Variants in FAM171B observed in about 807,000 individuals in gnomAD.
FAM171B encodes protein FAM171B.
In FAM171B, 19 loss-of-function variants were observed where a neutral mutation model predicts 75.6. The observed-to-expected ratio is 0.25, with a 90% CI of 0.18 to 0.37. The LOEUF is 0.37. Among genes scored for constraint, FAM171B ranks in the 10% least tolerant of loss-of-function variants. FAM171B has a pLI of 1.00. For missense variants in FAM171B, 848 were observed against 982.4 expected (o/e 0.86, Z 1.83); for synonymous variants, 367 against 361.7 (o/e 1.01, Z -0.17).
intron 1 of FAM171B, among the ~76,000 whole-genome samples, chr2:186,724,931 T>TAA (rs1690008499): frequency 6.6e-6 from 1 of 152,248 alleles, no homozygotes; most frequent in African/African-American, 2.4e-5. Flanking sequence ...TGCTAAATTC[T>TAA]CGTCTTTCCT....
chr2:186,716,805 T>C (rs899828196), intron 1 of FAM171B, among the ~76,000 whole-genome samples: 1 of 152,228 alleles, frequency 6.6e-6, no homozygotes, highest in African/African-American at 2.4e-5. Context: ...TAGTTAATAG[T>C]GCAATATTTT....
intron 1 of FAM171B, among the ~76,000 whole-genome samples, chr2:186,707,664 T>A (rs1160054398): frequency 6.6e-6 from 1 of 152,114 alleles, no homozygotes; most frequent in Non-Finnish European, 1.5e-5. Context: ...TCATCATTGC[T>A]TCAGTTCTCT....
At chr2:186,757,142 T>A (rs1278304837) in intron 6 of FAM171B, among the ~76,000 whole-genome samples, 3 of 151,956 alleles carry the variant, frequency 2.0e-5, no homozygotes, top group Admixed American at 6.6e-5. Context: ...CTTCCTGGAG[T>A]ATGAGGGGTG....
At chr2:186,697,298 G>T (rs910246163) in intron 1 of FAM171B, among the ~76,000 whole-genome samples, 1 of 151,880 alleles carries the variant, frequency 6.6e-6, no homozygotes, top group Non-Finnish European at 1.5e-5. Flanking sequence ...GGTTTTTTTT[G>T]AGACAGGGTT....
chr2:186,714,091 CT>C, intron 1 of FAM171B, among the ~76,000 whole-genome samples: 1 of 150,642 alleles, frequency 6.6e-6, no homozygotes, highest in African/African-American at 2.4e-5. Context: ...TTTGAACAGT[CT>C]TTTTAGAATT....
At chr2:186,746,501 C>T (rs970592437) in intron 3 of FAM171B, among the ~76,000 whole-genome samples, 5 of 152,274 alleles carry the variant, frequency 3.3e-5, no homozygotes, top group Middle Eastern at 3.4e-3. Context: ...GGCTCGATCA[C>T]GACTTCAGTA....
chr2:186,757,824 T>C (rs1351527334), intron 6 of FAM171B, among the ~76,000 whole-genome samples: 1 of 152,166 alleles, frequency 6.6e-6, no homozygotes, highest in Non-Finnish European at 1.5e-5. Flanking sequence ...CAACATCCTG[T>C]TTCCAAATGT....
intron 1 of FAM171B, among the ~76,000 whole-genome samples, chr2:186,703,108 C>T (rs1358424021): frequency 1.4e-5 from 2 of 144,464 alleles, no homozygotes; most frequent in Non-Finnish European, 3.0e-5. Context: ...CACAAAAGAT[C>T]TCACTCTGTC....
rs544772091 is a variant in FAM171B at position 186,696,771 on chromosome 2, T to C, written c.238+2360T>C. On this transcript the variant is annotated intron_variant, in intron 1 of 7. Transcript: ENST00000304698. Reference sequence around the variant, plus strand: ...GTGTCTCAGTAACTGACAGACCTTTTCCTGACCAGGTGTTTAAAATAGTAA... The same window carrying C: ...GTGTCTCAGTAACTGACAGACCTTTCCCTGACCAGGTGTTTAAAATAGTAA... Among the ~76,000 whole-genome samples the C allele has an allele frequency of 7.9e-5, 12 of 152,078 alleles. 1 individual carries two copies. Among genetic ancestry groups the C allele is most frequent in the Non-Finnish European group, 2.9e-5 (2 of 68,026 alleles).
At chr2:186,706,740 C>T (rs1458644984) in intron 1 of FAM171B, among the ~76,000 whole-genome samples, 1 of 152,130 alleles carries the variant, frequency 6.6e-6, no homozygotes, top group Non-Finnish European at 1.5e-5. Flanking sequence ...TGCTATGCAG[C>T]GACTGTACAT....
chr2:186,762,729 C>G lies in FAM171B; in HGVS notation c.2387C>G (p.Thr796Ser), dbSNP rs761365421. The change falls in exon 8 of 8, where the codon ACT (threonine) becomes AGT (serine). Residue 796 changes from threonine (T) to serine (S), a missense_variant. By Grantham distance (58) the Thr-to-Ser change is moderately conservative (BLOSUM62 1). Around this residue, in one of 3 missense-constraint regions of FAM171B, gnomAD observed 136 missense variants for 159.3 expected, o/e 0.85. Transcript: ENST00000304698. The surrounding 1 kb of genome is among the most constrained non-coding windows in gnomAD (Gnocchi z 4.0). ...VEDFEANTSP[T>S]KRRGRPPLAK... is the part of the protein sequence containing the mutation. ...GATTTTGAAGCTAATACATCCCCCA[C>G]TAAAAGAAGGGGCAGACCACCACTA... 6.4e-5 allele frequency: 104 copies of G among 1,613,086 alleles called. 1 individual carries two copies. The South Asian group carries it at 1.1e-3, about 17-fold the overall frequency.
Position 186,751,189 on chromosome 2 carries a change from T to C in FAM171B, c.780T>C (p.Ser260=), listed in dbSNP as rs1336107585. 4 of 1,611,694 alleles carry C rather than the reference T, an allele frequency of 2.5e-6. No individual in the cohort carries two copies. The East Asian group carries it at 6.7e-5, about 27-fold the overall frequency. Reference sequence around the variant, plus strand: ...CTGCAATATGTGTGAAAATATATTCTGGAGGAAAAGAACTAAAGGTCAATG... The same window carrying C: ...CTGCAATATGTGTGAAAATATATTCCGGAGGAAAAGAACTAAAGGTCAATG... ...PLAAICVKIY[S]GGKELKVNGS... Residue 260 remains serine, a synonymous_variant, in exon 5 of 8, where the codon TCT becomes TCC. Coordinates refer to ENST00000304698, the MANE Select transcript of FAM171B (RefSeq NM_177454.4).
rs759100163 is a variant in FAM171B at position 186,751,244 on chromosome 2, C to T, written c.835C>T (p.Arg279Cys). The change falls in exon 5 of 8, where the codon CGT (arginine) becomes TGT (cysteine). Residue 279 changes from arginine to cysteine, a missense_variant. By Grantham distance (180) the Arg-to-Cys change is radical (BLOSUM62 -3). Around this residue, in one of 3 missense-constraint regions of FAM171B, gnomAD observed 665 missense variants for 729.0 expected, o/e 0.91. Transcript: ENST00000304698. Reference sequence around the variant, plus strand: ...TATTCAAGTTTCTCTTCCTCTTCTACGTCTGAATGATATAAGTGCAGGGGA... The same window carrying T: ...TATTCAAGTTTCTCTTCCTCTTCTATGTCTGAATGATATAAGTGCAGGGGA... The part of the protein sequence containing the change: ...GSIQVSLPLL[R>C]LNDISAGDRI... 9.9e-6 allele frequency: 16 copies of T among 1,610,840 alleles called. No individual in the cohort carries two copies. Among genetic ancestry groups the T allele is most frequent in the East Asian group, 6.7e-5 (3 of 44,796 alleles).
chr2:186,746,601 A>AAG (rs1690367772), intron 3 of FAM171B, among the ~76,000 whole-genome samples: 1 of 152,228 alleles, frequency 6.6e-6, no homozygotes, highest in African/African-American at 2.4e-5. Context: ...TTTTGATTGC[A>AAG]AGATGGCTGT....
At chr2:186,697,613 T>G (rs1392469971) in intron 1 of FAM171B, among the ~76,000 whole-genome samples, 1 of 152,188 alleles carries the variant, frequency 6.6e-6, no homozygotes, top group Non-Finnish European at 1.5e-5. Flanking sequence ...TTTAAATAGC[T>G]GTGATTGAGC....
intron 1 of FAM171B, among the ~76,000 whole-genome samples, chr2:186,713,123 A>T (rs1689831138): frequency 6.6e-6 from 1 of 152,190 alleles, no homozygotes; most frequent in Non-Finnish European, 1.5e-5. Flanking sequence ...GACTTGAAGG[A>T]AGGCCTGTGC....
At chr2:186,720,505 C>T (rs1005763473) in intron 1 of FAM171B, among the ~76,000 whole-genome samples, 4 of 151,990 alleles carry the variant, frequency 2.6e-5, no homozygotes, top group Admixed American at 6.6e-5. Context: ...AATACATTAC[C>T]GTGCTTATAC....
At chr2:186,714,496 T>G (rs929163414) in intron 1 of FAM171B, among the ~76,000 whole-genome samples, 1 of 152,194 alleles carries the variant, frequency 6.6e-6, no homozygotes, top group Admixed American at 6.6e-5. Flanking sequence ...AAGTCATGAA[T>G]TATAAAGGCC....
chr2:186,754,972 C>A (rs1690511988), intron 6 of FAM171B, among the ~76,000 whole-genome samples: 1 of 152,032 alleles, frequency 6.6e-6, no homozygotes, highest in African/African-American at 2.4e-5. Flanking sequence ...GGGAGCAAAA[C>A]CATGAATTGT....
Sources: gnomAD v4.1 joint callset for allele counts (sites outside exome capture counted in the v4.1 genomes callset) on GRCh38, gnomAD v4.1.1 for gene constraint, gnomAD v4.1.1 regional missense constraint, Gnocchi (gnomAD v3.1) non-coding constraint, MANE v1.5 for transcripts, NCBI Gene and HGNC (gene_info 2026-07-23, HGNC 2026-07-21) for gene names.